TBC1D32: variants seen among roughly 807,000 people sequenced by gnomAD.
TBC1D32 encodes the protein protein broad-minded.
TBC1D32 carries 151 observed loss-of-function variants against 170.3 expected under a neutral mutation model. The observed-to-expected ratio is 0.89, with a 90% CI of 0.78 to 1.01. TBC1D32 has a LOEUF of 1.01. Ranked by LOEUF, TBC1D32 falls within the 50% of genes least tolerant of loss-of-function variation. TBC1D32 has a pLI of 0.00. For missense variants in TBC1D32, 1,464 were observed against 1,457.1 expected (o/e 1.00, Z -0.08); for synonymous variants, 498 against 488.0 (o/e 1.02, Z -0.27).
At chr6:121,311,012 T>C (rs1282819900) in intron 3 of TBC1D32, among the ~76,000 whole-genome samples, 165 bp from the exon 4 acceptor site, 2 of 152,200 alleles carry the variant, frequency 1.3e-5, no homozygotes, top group African/African-American at 4.8e-5. Flanking sequence ...TCCCAAGGCT[T>C]TTAAATGGGA....
chr6:121,314,171 T>C (rs1808617080), intron 3 of TBC1D32, among the ~76,000 whole-genome samples: 1 of 152,218 alleles, frequency 6.6e-6, no homozygotes, highest in East Asian at 1.9e-4. Flanking sequence ...CCTTGGCTCA[T>C]GGCCTACTTC....
intron 17 of TBC1D32, among the ~76,000 whole-genome samples, chr6:121,242,766 T>C (rs551078189): frequency 6.6e-6 from 1 of 152,234 alleles, no homozygotes; most frequent in African/African-American, 2.4e-5. Flanking sequence ...ATATTATCTC[T>C]TTTCGATTTT....
intron 22 of TBC1D32, among the ~76,000 whole-genome samples, chr6:121,189,327 AC>A (rs1381041724): frequency 6.6e-6 from 1 of 152,102 alleles, no homozygotes; most frequent in Non-Finnish European, 1.5e-5. Context: ...CCTGAGACTC[AC>A]AGGATTTCCA....
intron 10 of TBC1D32, among the ~76,000 whole-genome samples, chr6:121,297,342 G>C (rs910609916): frequency 5.9e-5 from 9 of 151,816 alleles, no homozygotes; most frequent in South Asian, 2.1e-4. Context: ...TAACCCCTAA[G>C]ACAGAAATTT....
At chr6:121,292,014 G>C (rs775025611) in intron 12 of TBC1D32, 39 bp downstream of exon 12, 6 of 1,519,916 alleles carry the variant, frequency 3.9e-6, no homozygotes, top group Middle Eastern at 2.4e-4. Context: ...ATAAATCTTA[G>C]CATATCTTAA....
intron 15 of TBC1D32, among the ~76,000 whole-genome samples, chr6:121,264,102 G>A (rs1800130830): frequency 6.6e-6 from 1 of 152,000 alleles, no homozygotes; most frequent in Admixed American, 6.6e-5. Context: ...AAATGAAGGA[G>A]AGACGGACAT....
At chr6:121,104,443 T>A (rs952360965) in intron 30 of TBC1D32, among the ~76,000 whole-genome samples, 1 of 151,704 alleles carries the variant, frequency 6.6e-6, no homozygotes. Context: ...TACTTAACGA[T>A]AACATGCTGG....
intron 27 of TBC1D32, 53 bp downstream of exon 27, chr6:121,115,119 C>A (rs1238412918): frequency 2.9e-6 from 4 of 1,398,076 alleles, no homozygotes; most frequent in East Asian, 4.8e-5. Context: ...ACATATGAGG[C>A]AGATAAAACA....
At chr6:121,180,309 G>A (rs1053136711) in intron 22 of TBC1D32, among the ~76,000 whole-genome samples, 9 of 152,062 alleles carry the variant, frequency 5.9e-5, no homozygotes, top group Non-Finnish European at 1.3e-4. Context: ...AAGAAGAATT[G>A]CTCTATCAGT....
At chr6:121,101,068 C>G (rs943609610) in intron 30 of TBC1D32, among the ~76,000 whole-genome samples, 7 of 152,034 alleles carry the variant, frequency 4.6e-5, no homozygotes, top group Non-Finnish European at 8.8e-5. Context: ...CGACCAATAA[C>G]GGGCTCTGAA....
At chr6:121,222,876 G>A (rs752760721) in intron 21 of TBC1D32, among the ~76,000 whole-genome samples, 10 of 152,114 alleles carry the variant, frequency 6.6e-5, no homozygotes, top group Admixed American at 2.0e-4. Flanking sequence ...AGTGGACTCC[G>A]TGGATACAAT....
At chr6:121,304,340 T>C in intron 8 of TBC1D32, 25 bp downstream of exon 8, 1 of 1,610,276 alleles carries the variant, frequency 6.2e-7, no homozygotes, top group Non-Finnish European at 8.5e-7. Context: ...GGTTTTATGC[T>C]GGCATACATT....
At chr6:121,202,603 G>A (rs985331972) in intron 22 of TBC1D32, among the ~76,000 whole-genome samples, 3 of 151,258 alleles carry the variant, frequency 2.0e-5, no homozygotes, top group African/African-American at 7.4e-5. Flanking sequence ...ATCAGTGGCT[G>A]CAAGGAGACA....
chr6:121,115,080 G>A, intron 27 of TBC1D32, 92 bp downstream of exon 27: 3 of 912,082 alleles, frequency 3.3e-6, no homozygotes, highest in Non-Finnish European at 4.8e-6. Context: ...ATACAAAATA[G>A]TTGGTTGTTA....
At chr6:121,257,764 A>G (rs567873527) in intron 15 of TBC1D32, among the ~76,000 whole-genome samples, 2 of 151,904 alleles carry the variant, frequency 1.3e-5, no homozygotes, top group African/African-American at 4.8e-5. Context: ...CATTGCAGTC[A>G]TTATTTTTCT....
chr6:121,086,731 T>C (rs961352039), intron 31 of TBC1D32, among the ~76,000 whole-genome samples: 10 of 152,170 alleles, frequency 6.6e-5, no homozygotes, highest in Non-Finnish European at 1.0e-4. Flanking sequence ...GTCCCCAGGT[T>C]GAATTCACAA....
At chr6:121,240,831 TGCCATTGTACTCCA>T (rs1272162705) in intron 19 of TBC1D32, among the ~76,000 whole-genome samples, 2 of 139,028 alleles carry the variant, frequency 1.4e-5, no homozygotes, top group Non-Finnish European at 3.0e-5. Flanking sequence ...GCTGAGACTA[TGCCATTGTACTCCA>T]GCCTGGGCGA....
intron 26 of TBC1D32, among the ~76,000 whole-genome samples, chr6:121,119,367 G>T (rs1457837444): frequency 6.6e-6 from 1 of 151,870 alleles, no homozygotes. Flanking sequence ...ACTCACAAAC[G>T]TTTCATAAAT....
intron 22 of TBC1D32, among the ~76,000 whole-genome samples, chr6:121,186,189 T>C (rs1316593092): frequency 6.6e-6 from 1 of 152,124 alleles, no homozygotes; most frequent in Non-Finnish European, 1.5e-5. Context: ...CTCATATTCC[T>C]AAATCAATAG....
Sources: gnomAD v4.1 joint callset for allele counts (sites outside exome capture counted in the v4.1 genomes callset) on GRCh38, gnomAD v4.1.1 for gene constraint, MANE v1.5 for transcripts, NCBI Gene and HGNC (gene_info 2026-07-23, HGNC 2026-07-21) for gene names.